Variants in MEOX2 observed in about 807,000 individuals in gnomAD.
The protein encoded by MEOX2 is mesenchyme homeobox 2.
MEOX2 carries 11 observed loss-of-function variants against 27.0 expected under a neutral mutation model. The ratio of observed to expected loss-of-function variants is 0.41; its 90% CI spans 0.26 to 0.68. The LOEUF (loss-of-function observed/expected upper bound fraction) is 0.68. MEOX2 is among the 30% of genes least tolerant of loss of function. MEOX2 has a pLI of 0.33. For missense variants in MEOX2, 436 were observed against 385.4 expected (o/e 1.13, Z -1.10); for synonymous variants, 189 against 155.4 (o/e 1.22, Z -1.61).
At chr7:15,650,706 T>G (rs1183257500) in intron 1 of MEOX2, among the ~76,000 whole-genome samples, 2 of 151,922 alleles carry the variant, frequency 1.3e-5, no homozygotes, top group Admixed American at 6.6e-5. Context: ...TGAGTTTTTT[T>G]GGGGGGGAGA....
chr7:15,660,504 A>C (rs1432711632), intron 1 of MEOX2, among the ~76,000 whole-genome samples: 2 of 152,140 alleles, frequency 1.3e-5, no homozygotes, highest in East Asian at 1.9e-4. Context: ...TGTCATTTGC[A>C]TCGTAAGATA....
chr7:15,646,167 C>G (rs1457194486), intron 1 of MEOX2, among the ~76,000 whole-genome samples: 1 of 152,018 alleles, frequency 6.6e-6, no homozygotes, highest in Non-Finnish European at 1.5e-5. Flanking sequence ...ATAGTTTTAA[C>G]ATCTCTCTAC....
chr7:15,631,507 T>C (rs1411758188), intron 1 of MEOX2, among the ~76,000 whole-genome samples: 1 of 151,924 alleles, frequency 6.6e-6, no homozygotes, highest in African/African-American at 2.4e-5. Context: ...TCATATATAA[T>C]GGTCTATATT....
intron 2 of MEOX2, among the ~76,000 whole-genome samples, chr7:15,624,822 T>C (rs761899903): frequency 6.6e-6 from 1 of 152,198 alleles, no homozygotes; most frequent in South Asian, 2.1e-4. Flanking sequence ...TAACACAAAA[T>C]GTTAAAAGAA....
At position 15,612,339 on chromosome 7, in the gene MEOX2, C is replaced by T; in HGVS notation, c.*48G>A. The T allele has an allele frequency of 1.4e-6, 2 of 1,449,912 alleles. No homozygotes were observed. The highest frequency in any genetic ancestry group is 1.9e-6 in the Non-Finnish European group (2 of 1,032,526). The allele number at this position is 1,449,912 out of a possible 1,614,324, so 89.8% of individuals were successfully genotyped here. On this transcript the variant is annotated 3_prime_UTR_variant, in exon 3 of 3. Coordinates refer to ENST00000262041, the MANE Select transcript of MEOX2 (RefSeq NM_005924.5). ...GTAAACGATATTTGGGTAAGGCTTG[C>T]CATCACAACATTTCTTTCCTGAGAA...
chr7:15,684,604 T>C (rs1782348441), intron 1 of MEOX2, among the ~76,000 whole-genome samples: 1 of 152,236 alleles, frequency 6.6e-6, no homozygotes, highest in South Asian at 2.1e-4. Flanking sequence ...ATATTAAATA[T>C]GCGGCCAATC....
chr7:15,631,312 C>A (rs1781398249), intron 1 of MEOX2, among the ~76,000 whole-genome samples: 1 of 151,592 alleles, frequency 6.6e-6, no homozygotes, highest in Non-Finnish European at 1.5e-5. Flanking sequence ...GTCCTCTCTG[C>A]TCAATATCTT....
chr7:15,652,779 C>T (rs1031570425), intron 1 of MEOX2, among the ~76,000 whole-genome samples: 1 of 151,930 alleles, frequency 6.6e-6, no homozygotes, highest in African/African-American at 2.4e-5. Context: ...TTTAAAGATT[C>T]ATCCAAGTTG....
chr7:15,661,012 C>CAAAAAAAAAAAAAAA (rs71004402), intron 1 of MEOX2, among the ~76,000 whole-genome samples: 1 of 44,334 alleles, frequency 2.3e-5, no homozygotes, highest in African/African-American at 8.3e-5. Context: ...GACTCAGTCT[C>CAAAAAAAAAAAAAAA]AAAAAAAAAA....
chr7:15,630,183 G>C (rs1044865515), intron 1 of MEOX2, among the ~76,000 whole-genome samples: 1 of 152,148 alleles, frequency 6.6e-6, no homozygotes, highest in Non-Finnish European at 1.5e-5. Flanking sequence ...TATGTGTTCA[G>C]GTATGGTTGG....
chr7:15,670,771 G>C (rs1002813145), intron 1 of MEOX2, among the ~76,000 whole-genome samples: 1 of 152,116 alleles, frequency 6.6e-6, no homozygotes, highest in South Asian at 2.1e-4. Context: ...TGTAATATTT[G>C]TTGAGCAACC....
intron 1 of MEOX2, among the ~76,000 whole-genome samples, chr7:15,663,587 CCT>C (rs1781950329): frequency 6.6e-6 from 1 of 152,082 alleles, no homozygotes; most frequent in Admixed American, 6.5e-5. Flanking sequence ...GATCCACTCA[CCT>C]TGGACTCCCA....
chr7:15,630,889 C>T lies in MEOX2; in HGVS notation c.518-3971G>A, dbSNP rs981058587. Reference sequence around the variant, plus strand: ...GCTCATTAATGAGTGAGCATTTCAGCTTCTCAGTGTTTCTTCTTTTTTCAA... The same window carrying T: ...GCTCATTAATGAGTGAGCATTTCAGTTTCTCAGTGTTTCTTCTTTTTTCAA... On this transcript the variant is annotated intron_variant, in intron 1 of 2. Coordinates refer to ENST00000262041, the MANE Select transcript of MEOX2 (RefSeq NM_005924.5). Among the ~76,000 whole-genome samples, 3 of 151,922 alleles carry T rather than the reference C, an allele frequency of 2.0e-5. No homozygotes were observed. In the East Asian group the frequency reaches 5.8e-4, roughly 29 times the overall value.
At position 15,657,362 on chromosome 7, in the gene MEOX2, A is replaced by G. The variant is rs1453756113; in HGVS notation, c.517+28524T>C. Among the ~76,000 whole-genome samples the G allele has an allele frequency of 2.0e-5, 3 of 152,124 alleles. No homozygotes were observed. The East Asian group carries it at 5.8e-4, about 29-fold the overall frequency. The stretch of plus-strand genomic sequence containing the variant: ...CTTTTGGTCACAGTCTCACAGATCC[A>G]TATGGTAAAAATTTTTTTTCAATTT... On this transcript the variant is annotated intron_variant, in intron 1 of 2. Transcript: ENST00000262041.
chr7:15,623,098 G>C (rs1414668251), intron 2 of MEOX2, among the ~76,000 whole-genome samples: 1 of 152,142 alleles, frequency 6.6e-6, no homozygotes, highest in Non-Finnish European at 1.5e-5. Context: ...AGCCCCAATA[G>C]ACTACAAGCT....
intron 1 of MEOX2, among the ~76,000 whole-genome samples, chr7:15,663,590 T>G (rs1160572106): frequency 1.3e-5 from 2 of 152,066 alleles, no homozygotes; most frequent in African/African-American, 4.8e-5. Context: ...CCACTCACCT[T>G]GGACTCCCAA....
rs954736544 is a variant in MEOX2 at position 15,611,863 on chromosome 7, T to C, written c.*524A>G. On this transcript the variant is annotated 3_prime_UTR_variant, in exon 3 of 3. Coordinates refer to ENST00000262041, the MANE Select transcript of MEOX2 (RefSeq NM_005924.5). ...AATATATACAGAGTTAAAATACACT[T>C]TTTATCCACTTGAGTGAATTCAGGC... The C allele has an allele frequency of 6.4e-6, 1 of 157,094 alleles. No homozygotes were observed. The highest frequency in any genetic ancestry group is 2.4e-5 in the African/African-American group (1 of 41,478). 9.7% of individuals were successfully genotyped at this position (157,094 alleles called of 1,614,324 possible). A position where few individuals can be genotyped will look rare whatever the true frequency, so the allele number is the denominator to read the frequency against.
At chr7:15,615,260 G>T (rs1781104018) in intron 2 of MEOX2, among the ~76,000 whole-genome samples, 1 of 152,100 alleles carries the variant, frequency 6.6e-6, no homozygotes, top group Admixed American at 6.5e-5. Context: ...TGAGGTAAAG[G>T]TTAAGTGACT....
intron 1 of MEOX2, among the ~76,000 whole-genome samples, chr7:15,642,003 T>C (rs1781569546): frequency 6.6e-6 from 1 of 152,190 alleles, no homozygotes; most frequent in Non-Finnish European, 1.5e-5. Context: ...GAGATTGCCT[T>C]TATAGGTGAT....
Sources: gnomAD v4.1 joint callset for allele counts (sites outside exome capture counted in the v4.1 genomes callset) on GRCh38, gnomAD v4.1.1 for gene constraint, MANE v1.5 for transcripts, NCBI Gene and HGNC (gene_info 2026-07-23, HGNC 2026-07-21) for gene names.